Variants in TMC1 observed in about 807,000 individuals in gnomAD.
The protein encoded by TMC1 is transmembrane channel like 1, also known as transmembrane channel-like protein 1.
A neutral mutation model predicts 105.8 loss-of-function variants in TMC1; 84 were observed. That is an observed-to-expected ratio of 0.79 (90% CI 0.67 to 0.95). The LOEUF is 0.95. Ranked by LOEUF, TMC1 falls within the 40% of genes least tolerant of loss-of-function variation. The pLI is 0.00. For missense variants in TMC1, 817 were observed against 914.1 expected (o/e 0.89, Z 1.37); for synonymous variants, 315 against 311.5 (o/e 1.01, Z -0.12).
At chr9:72,646,681 T>C (rs940830587) in intron 4 of TMC1, among the ~76,000 whole-genome samples, 2 of 151,968 alleles carry the variant, frequency 1.3e-5, no homozygotes, top group Non-Finnish European at 2.9e-5. Context: ...TCCTGCAGAC[T>C]GGAGTGCAGT....
At chr9:72,810,631 A>G (rs866490446) in intron 18 of TMC1, among the ~76,000 whole-genome samples, 7 of 152,322 alleles carry the variant, frequency 4.6e-5, no homozygotes, top group South Asian at 2.1e-4. Flanking sequence ...AACAGGTAGT[A>G]GAGTAGACTG....
At chr9:72,575,186 T>C (rs549272529) in intron 1 of TMC1, among the ~76,000 whole-genome samples, 1 of 152,288 alleles carries the variant, frequency 6.6e-6, no homozygotes, top group African/African-American at 2.4e-5. Flanking sequence ...TAGGTTTTTT[T>C]GTTTGTTTGT....
At position 72,789,472 on chromosome 9, in the gene TMC1, A is replaced by T. The variant is rs552259309; in HGVS notation, c.1224+155A>T. On this transcript the variant is annotated intron_variant, in intron 15 of 23. Transcript: ENST00000297784. ...AACCCTGTTGCTCATTTTCCATTCTATTCTAGTCTTATTTCTAAATCTGGA... is the reference window on the plus strand; with the variant it reads ...AACCCTGTTGCTCATTTTCCATTCTTTTCTAGTCTTATTTCTAAATCTGGA... 3.3e-5 allele frequency among the ~76,000 whole-genome samples: 5 copies of T among 152,190 alleles called. No individual in the cohort carries two copies. The South Asian group carries it at 1.0e-3, about 32-fold the overall frequency.
chr9:72,655,982 A>T, intron 5 of TMC1: 1 of 783,944 alleles, frequency 1.3e-6, no homozygotes, highest in Admixed American at 1.7e-5. Context: ...AACCTTCACC[A>T]CATGGAGTTT....
At chr9:72,789,835 GTCTGGGCTTCCC>G (rs2118183532) in intron 15 of TMC1, among the ~76,000 whole-genome samples, 1 of 152,312 alleles carries the variant, frequency 6.6e-6, no homozygotes, top group East Asian at 1.9e-4. Flanking sequence ...CTTTGGGCAT[GTCTGGGCTTCCC>G]TCTGTTTTCA....
intron 5 of TMC1, among the ~76,000 whole-genome samples, chr9:72,668,086 CT>C (rs1361282772): frequency 6.6e-6 from 1 of 151,982 alleles, no homozygotes; most frequent in Non-Finnish European, 1.5e-5. Context: ...GAAAAATATC[CT>C]TTTTTACTTT....
intron 5 of TMC1, among the ~76,000 whole-genome samples, chr9:72,682,711 T>A (rs1356003581): frequency 1.3e-5 from 2 of 152,210 alleles, no homozygotes; most frequent in Non-Finnish European, 2.9e-5. Flanking sequence ...ACCAATAGTG[T>A]TATCATAAAT....
At chr9:72,666,286 G>C (rs1281842742) in intron 5 of TMC1, among the ~76,000 whole-genome samples, 1 of 151,486 alleles carries the variant, frequency 6.6e-6, no homozygotes, top group African/African-American at 2.4e-5. Flanking sequence ...GGAAAGGGAA[G>C]AAAAAGTGCT....
chr9:72,567,133 T>G (rs994485294), intron 1 of TMC1, among the ~76,000 whole-genome samples: 4 of 152,186 alleles, frequency 2.6e-5, no homozygotes, highest in African/African-American at 9.6e-5. Context: ...TCTCAAATCC[T>G]TTAGGTTTCA....
intron 6 of TMC1, among the ~76,000 whole-genome samples, chr9:72,692,106 G>A (rs1826474642): frequency 6.6e-6 from 1 of 152,166 alleles, no homozygotes; most frequent in Non-Finnish European, 1.5e-5. Flanking sequence ...TGCTAAATTG[G>A]GGGAGTGGCT....
At chr9:72,558,677 G>T (rs946361718) in intron 1 of TMC1, among the ~76,000 whole-genome samples, 1 of 152,082 alleles carries the variant, frequency 6.6e-6, no homozygotes, top group Non-Finnish European at 1.5e-5. Context: ...GGATGATAAT[G>T]GTTATCTGGT....
chr9:72,669,825 T>G (rs970123966), intron 5 of TMC1, among the ~76,000 whole-genome samples: 1 of 152,134 alleles, frequency 6.6e-6, no homozygotes. Context: ...GTGAAATAAA[T>G]AAAAACTGGA....
At chr9:72,812,659 G>C (rs771252571) in intron 18 of TMC1, among the ~76,000 whole-genome samples, 7 of 152,196 alleles carry the variant, frequency 4.6e-5, no homozygotes, top group African/African-American at 1.7e-4. Flanking sequence ...GCTGACTCTC[G>C]TCTGAGGACC....
intron 1 of TMC1, among the ~76,000 whole-genome samples, chr9:72,549,319 A>G (rs1478656294): frequency 1.3e-5 from 2 of 151,558 alleles, no homozygotes; most frequent in African/African-American, 2.4e-5. Flanking sequence ...CTGGCCTTGA[A>G]CTCCAGGGTT....
intron 5 of TMC1, among the ~76,000 whole-genome samples, chr9:72,687,415 A>C (rs774410988): frequency 1.8e-4 from 28 of 152,206 alleles, no homozygotes; most frequent in Non-Finnish European, 3.4e-4. Flanking sequence ...AGAATGTGGA[A>C]TATCTCCTTA....
intron 5 of TMC1, among the ~76,000 whole-genome samples, chr9:72,680,754 A>T (rs1006572568): frequency 6.6e-6 from 1 of 152,114 alleles, no homozygotes; most frequent in African/African-American, 2.4e-5. Context: ...ACTCATTAAC[A>T]TTTGCTAATG....
intron 20 of TMC1, among the ~76,000 whole-genome samples, chr9:72,822,806 A>T (rs923078697): frequency 6.6e-6 from 1 of 152,198 alleles, no homozygotes; most frequent in Non-Finnish European, 1.5e-5. Flanking sequence ...AAAACATAGC[A>T]AAGGACCCTA....
intron 3 of TMC1, among the ~76,000 whole-genome samples, chr9:72,621,087 T>G (rs1166189818): frequency 6.6e-6 from 1 of 152,206 alleles, no homozygotes; most frequent in Non-Finnish European, 1.5e-5. Context: ...CCCTTATTCC[T>G]TATGTCTTTT....
At chr9:72,776,636 C>G (rs1190843706) in intron 13 of TMC1, among the ~76,000 whole-genome samples, 2 of 152,130 alleles carry the variant, frequency 1.3e-5, no homozygotes, top group Non-Finnish European at 2.9e-5. Context: ...TGTGCTTCTC[C>G]TTACGTAGGC....
Sources: allele counts gnomAD v4.1 joint callset (sites outside exome capture counted in the v4.1 genomes callset), GRCh38; gene constraint gnomAD v4.1.1; transcripts MANE v1.5; gene names NCBI Gene and HGNC (gene_info 2026-07-23, HGNC 2026-07-21).